Variants in NXPE2 observed in about 807,000 individuals in gnomAD.
NXPE2 encodes the protein neurexophilin and PC-esterase domain family member 2.
In NXPE2, 34 loss-of-function variants were observed where a neutral mutation model predicts 34.4. The ratio of observed to expected loss-of-function variants is 0.99; its 90% CI spans 0.75 to 1.31. The LOEUF (loss-of-function observed/expected upper bound fraction) is 1.31. Among genes scored for constraint, NXPE2 ranks in the 40% most tolerant of loss-of-function variants. NXPE2 has a pLI of 0.00. For missense variants in NXPE2, 649 were observed against 672.5 expected (o/e 0.97, Z 0.39); for synonymous variants, 235 against 231.3 (o/e 1.02, Z -0.15).
the NXPE2 span, among the ~76,000 whole-genome samples, chr11:114,798,846 T>G: frequency 6.6e-6 from 1 of 152,204 alleles, no homozygotes; most frequent in African/African-American, 2.4e-5. Flanking sequence ...TGTGTCCATC[T>G]CTTTCAATCT....
the NXPE2 span, among the ~76,000 whole-genome samples, chr11:114,562,268 A>G: frequency 6.6e-6 from 1 of 152,322 alleles, no homozygotes; most frequent in South Asian, 2.1e-4. Flanking sequence ...GAGAGTGGTT[A>G]GAAATATTTC....
At chr11:114,752,478 G>A in the NXPE2 span, among the ~76,000 whole-genome samples, 33 of 152,218 alleles carry the variant, frequency 2.2e-4, no homozygotes, top group Admixed American at 9.2e-4. Context: ...ACAACAGAGA[G>A]TAGGAGAGCA....
chr11:114,777,066 A>G, the NXPE2 span, among the ~76,000 whole-genome samples: 4,517 of 152,308 alleles, frequency 0.03, 229 homozygotes, highest in African/African-American at 0.1. Context: ...AACTTCTCAA[A>G]TGTTGGACAC....
chr11:114,609,816 G>C, the NXPE2 span, among the ~76,000 whole-genome samples: 1 of 151,118 alleles, frequency 6.6e-6, no homozygotes, highest in Admixed American at 6.6e-5. Context: ...GCATTGCCTG[G>C]TGGATTACCA....
At chr11:114,611,360 C>T in the NXPE2 span, among the ~76,000 whole-genome samples, 39,006 of 148,624 alleles carry the variant, frequency 0.26, 5,646 homozygotes, top group African/African-American at 0.39. Context: ...CACTGTTACC[C>T]GGTGGATAAT....
the NXPE2 span, chr11:114,522,813 G>C: frequency 8.8e-7 from 1 of 1,138,466 alleles, no homozygotes; most frequent in Non-Finnish European, 1.3e-6. Context: ...CGAGAGAATA[G>C]AGACCTCATT....
the NXPE2 span, among the ~76,000 whole-genome samples, chr11:114,610,982 C>T: frequency 6.6e-6 from 1 of 151,760 alleles, no homozygotes; most frequent in African/African-American, 2.4e-5. Context: ...CGTGGGTAAC[C>T]ACTGTTACCC....
At chr11:114,551,359 C>T in the NXPE2 span, 3 of 1,414,768 alleles carry the variant, frequency 2.1e-6, no homozygotes, top group African/African-American at 4.3e-5. Flanking sequence ...ACTAACAACT[C>T]ATACCCCCAA....
the NXPE2 span, among the ~76,000 whole-genome samples, chr11:114,808,441 T>C: frequency 2.3e-4 from 34 of 146,644 alleles, no homozygotes; most frequent in African/African-American, 8.3e-4. Context: ...ATTGATAGGC[T>C]GCTAGCAAGA....
chr11:114,796,305 C>T, the NXPE2 span, among the ~76,000 whole-genome samples: 90 of 152,238 alleles, frequency 5.9e-4, no homozygotes, highest in African/African-American at 2.1e-3. Context: ...ATTATTGTTG[C>T]TCTTTATTCA....
the NXPE2 span, among the ~76,000 whole-genome samples, chr11:114,796,445 A>AT: frequency 6.6e-6 from 1 of 152,230 alleles, no homozygotes; most frequent in Non-Finnish European, 1.5e-5. Context: ...GTATCAGAGA[A>AT]AGACCTAGAG....
chr11:114,587,877 T>C, the NXPE2 span, among the ~76,000 whole-genome samples: 1 of 152,194 alleles, frequency 6.6e-6, no homozygotes, highest in African/African-American at 2.4e-5. Context: ...TTCTTTTGCA[T>C]AAGGGTGTGG....
chr11:114,580,404 G>A, the NXPE2 span: 1 of 1,399,642 alleles, frequency 7.1e-7, no homozygotes. Context: ...TGTATTAAGA[G>A]CCTTCTATCC....
At chr11:114,616,192 T>A in the NXPE2 span, among the ~76,000 whole-genome samples, 1 of 151,304 alleles carries the variant, frequency 6.6e-6, no homozygotes, top group Non-Finnish European at 1.5e-5. Flanking sequence ...TAATGTCTCA[T>A]GAGTAACTGC....
At chr11:114,744,433 C>CAGGCTATTCAG in the NXPE2 span, among the ~76,000 whole-genome samples, 1 of 152,164 alleles carries the variant, frequency 6.6e-6, no homozygotes, top group Admixed American at 6.5e-5. Flanking sequence ...ACAAACATGA[C>CAGGCTATTCAG]ATTTATTGTT....
chr11:114,520,802 T>C, the NXPE2 span, among the ~76,000 whole-genome samples: 1 of 152,334 alleles, frequency 6.6e-6, no homozygotes. Flanking sequence ...TAATGATGAC[T>C]TCCAAATTGA....
the NXPE2 span, among the ~76,000 whole-genome samples, chr11:114,721,737 T>C: frequency 6.6e-6 from 1 of 152,164 alleles, no homozygotes; most frequent in Non-Finnish European, 1.5e-5. Context: ...AATTATCCCA[T>C]TTTATAGATG....
chr11:114,481,492 G>A, the NXPE2 span, among the ~76,000 whole-genome samples: 1 of 152,114 alleles, frequency 6.6e-6, no homozygotes, highest in Non-Finnish European at 1.5e-5. Context: ...TTAATTTTGT[G>A]TGTGTGTGTG....
At chr11:114,623,274 G>T in the NXPE2 span, among the ~76,000 whole-genome samples, 11 of 152,210 alleles carry the variant, frequency 7.2e-5, no homozygotes, top group Non-Finnish European at 1.6e-4. Flanking sequence ...TTGCCTCGTG[G>T]GTGACAACTG....
Sources: gnomAD v4.1 joint callset for allele counts (sites outside exome capture counted in the v4.1 genomes callset) on GRCh38, gnomAD v4.1.1 for gene constraint, MANE v1.5 for transcripts, NCBI Gene and HGNC (gene_info 2026-07-23, HGNC 2026-07-21) for gene names.